CECR2: variants seen among roughly 807,000 people sequenced by gnomAD.
The protein encoded by CECR2 is CECR2 histone acetyl-lysine reader, also known as chromatin remodeling regulator CECR2.
Under a neutral mutation model 154.5 loss-of-function variants are expected in CECR2, and 30 were observed. The ratio of observed to expected loss-of-function variants is 0.19; its 90% CI spans 0.15 to 0.26. The LOEUF is 0.26. Among genes scored for constraint, CECR2 ranks in the 10% least tolerant of loss-of-function variants. The probability of loss-of-function intolerance (pLI) is 1.00; values close to 1 mark genes in which losing one functional copy is unlikely to be tolerated. For missense variants in CECR2, 1,743 were observed against 1,829.3 expected, an observed-to-expected ratio of 0.95 and a Z score of 0.86; for synonymous variants, 725 against 683.7, an observed-to-expected ratio of 1.06 and a Z score of -0.94.
intron 2 of CECR2, among the ~76,000 whole-genome samples, chr22:17,480,898 G>C (rs1036055424): frequency 1.3e-5 from 2 of 151,822 alleles, no homozygotes; most frequent in African/African-American, 4.8e-5. Flanking sequence ...AAATTAGCCA[G>C]GCGTGGTGGT....
upstream of CECR2, among the ~76,000 whole-genome samples, chr22:17,367,584 A>C (rs552657793): frequency 6.6e-6 from 1 of 152,260 alleles, no homozygotes; most frequent in African/African-American, 2.4e-5. Context: ...ACGAGGTTTC[A>C]CAATGTTGGC....
intron 9 of CECR2, among the ~76,000 whole-genome samples, chr22:17,527,110 G>A (rs563082014): frequency 3.9e-5 from 6 of 152,228 alleles, no homozygotes; most frequent in South Asian, 2.1e-4. Flanking sequence ...TCTAATAATC[G>A]GATATTAAAA....
intron 1 of CECR2, among the ~76,000 whole-genome samples, chr22:17,472,964 TTGTTCCCGCTGC>T (rs1179103133): frequency 6.6e-6 from 1 of 152,142 alleles, no homozygotes; most frequent in Non-Finnish European, 1.5e-5. Flanking sequence ...TTTCTTCTGC[TTGTTCCCGCTGC>T]TGTGAGAGGT....
At chr22:17,531,805 A>C (rs112531709) in intron 9 of CECR2, among the ~76,000 whole-genome samples, 1 of 152,214 alleles carries the variant, frequency 6.6e-6, no homozygotes, top group African/African-American at 2.4e-5. Flanking sequence ...AATGTGGAAA[A>C]GGTGGATTAC....
At chr22:17,460,461 C>G (rs766427735) in intron 1 of CECR2, among the ~76,000 whole-genome samples, 3 of 152,230 alleles carry the variant, frequency 2.0e-5, no homozygotes, top group Non-Finnish European at 4.4e-5. Flanking sequence ...CCGCCCGTCT[C>G]GGCCTCCCAA....
chr22:17,507,312 G>C (rs9604751), intron 7 of CECR2, among the ~76,000 whole-genome samples: 3 of 151,968 alleles, frequency 2.0e-5, no homozygotes, highest in Non-Finnish European at 4.4e-5. Flanking sequence ...TTTCACCATC[G>C]GTGTACTTAA....
At chr22:17,390,386 C>T (rs2063313775) in intron 1 of CECR2, among the ~76,000 whole-genome samples, 1 of 152,188 alleles carries the variant, frequency 6.6e-6, no homozygotes, top group Admixed American at 6.5e-5. Flanking sequence ...GTGGTGGTTA[C>T]TAACTTTGAT....
rs574162099 is a variant in CECR2, at chr22:17,542,836, C to G, written c.2693C>G (p.Pro898Arg). 5.0e-6 allele frequency: 8 copies of G among 1,613,800 alleles called. No individual in the cohort carries two copies. The highest frequency in any genetic ancestry group is 4.5e-5 in the East Asian group (2 of 44,860). Residue 898 changes from proline (P) to arginine (R), a missense_variant, in exon 16 of 19, where the codon CCA (proline) becomes CGA (arginine). Transcript: ENST00000262608. ...MQQLSSRVCP[P>R]GVPYHPHQPA... ...CAGCTCTCCTCCCGCGTCTGCCCCC[C>G]AGGTGTGCCTTACCACCCCCACCAG...
intron 1 of CECR2, among the ~76,000 whole-genome samples, chr22:17,415,866 G>C (rs189021089): frequency 6.6e-6 from 1 of 152,216 alleles, no homozygotes; most frequent in East Asian, 1.9e-4. Flanking sequence ...CCATCAATCC[G>C]TCGGTCCATT....
intron 1 of CECR2, among the ~76,000 whole-genome samples, chr22:17,410,604 C>T (rs1267222179): frequency 1.3e-5 from 2 of 152,060 alleles, no homozygotes; most frequent in Non-Finnish European, 2.9e-5. Context: ...CACGCCACCA[C>T]ACCCAACTAA....
At chr22:17,437,471 A>G (rs2054523847) in intron 1 of CECR2, among the ~76,000 whole-genome samples, 1 of 152,052 alleles carries the variant, frequency 6.6e-6, no homozygotes, top group Non-Finnish European at 1.5e-5. Flanking sequence ...CAACCTTTCT[A>G]TTTAAATTCC....
chr22:17,518,677 T>C (rs2056103537), intron 8 of CECR2: 10 of 445,802 alleles, frequency 2.2e-5, no homozygotes, highest in South Asian at 1.7e-4. Context: ...CAGGTCTTAT[T>C]GATGAATTAC....
chr22:17,551,363 A>G (rs934191174), intron 17 of CECR2, among the ~76,000 whole-genome samples: 11 of 152,158 alleles, frequency 7.2e-5, no homozygotes, highest in Admixed American at 7.2e-4. Flanking sequence ...GATCCAATGA[A>G]GGCTCATGGA....
upstream of CECR2, among the ~76,000 whole-genome samples, chr22:17,367,399 T>C (rs2063007900): frequency 6.6e-6 from 1 of 152,108 alleles, no homozygotes; most frequent in African/African-American, 2.4e-5. Flanking sequence ...AATTTTTATT[T>C]TTTGAGACGG....
In CECR2 at chr22:17,537,191, C is replaced by T; in HGVS notation, c.1197C>T (p.Asp399=). ...TCCCTCCAGAACTTTCCCATCTGGA[C>T]CCCAATTCCCCCATGAGAGAGGAAA... The part of the protein sequence containing the change: ...KELPPELSHL[D]PNSPMREEKK... The change falls in exon 10 of 19, where the codon GAC becomes GAT. Residue 399 remains aspartate (D), a synonymous_variant. Coordinates refer to ENST00000262608, the MANE Select transcript of CECR2 (RefSeq NM_001290047.2). 6.2e-7 allele frequency: 1 copy of T among 1,613,918 alleles called. No individual in the cohort carries two copies. Among genetic ancestry groups the T allele is most frequent in the Non-Finnish European group, 8.5e-7 (1 of 1,179,866 alleles).
At chr22:17,401,361 GACATATATAT>G (rs2053888293) in intron 1 of CECR2, among the ~76,000 whole-genome samples, 1 of 152,090 alleles carries the variant, frequency 6.6e-6, no homozygotes, top group Non-Finnish European at 1.5e-5. Context: ...GGCAAGTTTT[GACATATATAT>G]ACACACTAGT....
At chr22:17,448,853 C>G (rs1024211611) in intron 1 of CECR2, among the ~76,000 whole-genome samples, 1 of 151,976 alleles carries the variant, frequency 6.6e-6, no homozygotes, top group African/African-American at 2.4e-5. Context: ...TTCTCCTTTT[C>G]AGATTCCTCT....
In CECR2 at chr22:17,418,708, G is replaced by A. The variant is rs987417969; in HGVS notation, c.126+48799G>A. On this transcript the variant is annotated intron_variant, in intron 1 of 18. Coordinates refer to ENST00000262608, the MANE Select transcript of CECR2 (RefSeq NM_001290047.2). ...GCCCGGCGTCAGACATGGCGGAGGC[G>A]ATGGATTTGGGCAAAGACCCCAATG... The A allele has an allele frequency of 2.5e-5, 13 of 516,256 alleles. No individual in the cohort carries two copies. In the African/African-American group the frequency reaches 2.7e-4, roughly 11 times the overall value. The allele number at this position is 516,256 out of a possible 1,614,324, so 32.0% of individuals were successfully genotyped here. A position where few individuals can be genotyped will look rare whatever the true frequency, so the allele number is the denominator to read the frequency against.
chr22:17,489,649 G>A (rs985260656), intron 2 of CECR2, among the ~76,000 whole-genome samples: 4 of 152,056 alleles, frequency 2.6e-5, no homozygotes, highest in African/African-American at 9.7e-5. Flanking sequence ...TGTAGAGACA[G>A]GTCTTGATAT....
Sources: gnomAD v4.1 joint callset for allele counts (sites outside exome capture counted in the v4.1 genomes callset) on GRCh38, gnomAD v4.1.1 for gene constraint, MANE v1.5 for transcripts, NCBI Gene and HGNC (gene_info 2026-07-23, HGNC 2026-07-21) for gene names.